The following TRPM3 variants were observed in gnomAD, a reference collection of about 807,000 sequenced individuals.
TRPM3 encodes long transient receptor potential channel 3.
In TRPM3, 77 loss-of-function variants were observed where a neutral mutation model predicts 181.2. That is an observed-to-expected ratio of 0.42 (90% CI 0.35 to 0.51). TRPM3 has a LOEUF of 0.51. TRPM3 is among the 20% of genes least tolerant of loss of function. The pLI is 0.01. For missense variants in TRPM3, 1,759 were observed against 2,196.7 expected, an observed-to-expected ratio of 0.80 and a Z score of 3.98; for synonymous variants, 745 against 796.4, an observed-to-expected ratio of 0.94 and a Z score of 1.09.
chr9:70,832,325 G>A (rs1276514466), intron 5 of TRPM3, among the ~76,000 whole-genome samples: 1 of 152,064 alleles, frequency 6.6e-6, no homozygotes, highest in East Asian at 1.9e-4. Flanking sequence ...ATATCTAAAA[G>A]AGAAATTTGC....
At chr9:71,167,937 T>C (rs1454852124) in intron 1 of TRPM3, among the ~76,000 whole-genome samples, 1 of 152,178 alleles carries the variant, frequency 6.6e-6, no homozygotes, top group African/African-American at 2.4e-5. Context: ...CTGTATAATG[T>C]TATGACAAAT....
chr9:70,797,877 C>T (rs898572038), intron 6 of TRPM3, among the ~76,000 whole-genome samples: 2 of 152,152 alleles, frequency 1.3e-5, no homozygotes, highest in African/African-American at 4.8e-5. Flanking sequence ...TGAAGACTCA[C>T]CGTGGGATTC....
rs1320418080 is a variant in TRPM3, at chr9:70,959,179, T to G, written c.178-94668A>C. ...AATAATAAAAAAAAGAAAAAAAATA[T>G]GTCACCTGTAAAAAAAAAATGTATA... On this transcript the variant is annotated intron_variant, in intron 1 of 25. Transcript: ENST00000677713. Among the ~76,000 whole-genome samples, 5 of 151,574 alleles carry G rather than the reference T, an allele frequency of 3.3e-5. No individual in the cohort carries two copies. In the East Asian group the frequency reaches 9.7e-4, roughly 29 times the overall value.
chr9:70,921,974 C>CACAT (rs1168237101), intron 1 of TRPM3, among the ~76,000 whole-genome samples: 36 of 150,546 alleles, frequency 2.4e-4, no homozygotes, highest in African/African-American at 8.8e-4. Context: ...CACACACACA[C>CACAT]ATATAGTTAT....
chr9:70,576,681 A>AT (rs927492933), intron 22 of TRPM3, among the ~76,000 whole-genome samples: 2 of 151,708 alleles, frequency 1.3e-5, no homozygotes, highest in South Asian at 2.1e-4. Flanking sequence ...TGCCCGGCTA[A>AT]TTTTTGTATT....
intron 10 of TRPM3, 82 bp downstream of exon 10, chr9:70,640,478 T>C: frequency 9.3e-7 from 1 of 1,069,950 alleles, no homozygotes; most frequent in Non-Finnish European, 1.4e-6. Context: ...AATCGTTTTC[T>C]GAGCTGACCT....
At chr9:71,090,406 GT>G (rs1163256132) in intron 1 of TRPM3, among the ~76,000 whole-genome samples, 1 of 152,158 alleles carries the variant, frequency 6.6e-6, no homozygotes, top group African/African-American at 2.4e-5. Flanking sequence ...CTTTAAGCTA[GT>G]TCTCACAAGC....
At chr9:71,074,103 T>C (rs2063130584) in intron 1 of TRPM3, among the ~76,000 whole-genome samples, 1 of 152,208 alleles carries the variant, frequency 6.6e-6, no homozygotes, top group Non-Finnish European at 1.5e-5. Context: ...ATGATTATTG[T>C]TAACAATATA....
intron 1 of TRPM3, among the ~76,000 whole-genome samples, chr9:71,006,635 C>T (rs561817418): frequency 4.6e-5 from 7 of 151,974 alleles, no homozygotes; most frequent in South Asian, 2.1e-4. Flanking sequence ...TTTGGGAGGC[C>T]GAGGTGGGTG....
chr9:70,897,643 T>C (rs936323676), intron 1 of TRPM3, among the ~76,000 whole-genome samples: 4 of 152,188 alleles, frequency 2.6e-5, no homozygotes, highest in African/African-American at 9.7e-5. Context: ...ATAAAGTCTA[T>C]AGTAACTCTC....
intron 1 of TRPM3, among the ~76,000 whole-genome samples, chr9:71,076,244 T>C (rs536088263): frequency 6.6e-5 from 10 of 152,254 alleles, no homozygotes; most frequent in African/African-American, 2.4e-4. Context: ...CAGGAGAGTA[T>C]TTACACCATG....
chr9:71,035,221 T>C (rs529541005), intron 1 of TRPM3, among the ~76,000 whole-genome samples: 2 of 152,344 alleles, frequency 1.3e-5, no homozygotes, highest in Non-Finnish European at 2.9e-5. Flanking sequence ...CAGCAATTTA[T>C]AGAGTTTAGA....
chr9:70,620,766 G>C (rs1477803652), intron 15 of TRPM3, among the ~76,000 whole-genome samples: 1 of 151,888 alleles, frequency 6.6e-6, no homozygotes, highest in Non-Finnish European at 1.5e-5. Context: ...ATGAACAAAA[G>C]ATGGCAAATG....
chr9:70,797,767 G>C (rs1791181585), intron 6 of TRPM3, among the ~76,000 whole-genome samples: 1 of 152,144 alleles, frequency 6.6e-6, no homozygotes, highest in Non-Finnish European at 1.5e-5. Flanking sequence ...GCTCTGCCTG[G>C]CTCTGCTTCT....
At chr9:71,368,575 GA>G (rs34134612) in intron 1 of TRPM3, among the ~76,000 whole-genome samples, 73,032 of 151,706 alleles carry the variant, frequency 0.48, 18,355 homozygotes, top group East Asian at 0.6. Context: ...AAAGTGATCT[GA>G]AAAAAAATTG....
chr9:70,860,158 T>C (rs1269086098), intron 3 of TRPM3, among the ~76,000 whole-genome samples: 2 of 152,202 alleles, frequency 1.3e-5, no homozygotes, highest in African/African-American at 4.8e-5. Flanking sequence ...CCAGGTACTT[T>C]TAATTTTCTC....
At position 70,625,078 on chromosome 9, in the gene TRPM3, C is replaced by A; in HGVS notation, c.1809+113G>T. On this transcript the variant is annotated intron_variant, in intron 14 of 25. Coordinates refer to ENST00000677713, the MANE Select transcript of TRPM3 (RefSeq NM_001366145.2). The surrounding 1 kb of genome is among the most constrained non-coding windows in gnomAD (Gnocchi z 4.8). ...ACTTTTCTTTGATTGTTTAGGTTCA[C>A]TCTCAGCGCAATTTTCTGATTTTAA... The A allele has an allele frequency of 8.4e-7, 1 of 1,187,948 alleles. No homozygotes were observed. Among genetic ancestry groups the A allele is most frequent in the Non-Finnish European group, 1.2e-6 (1 of 863,850 alleles). 73.6% of individuals were successfully genotyped at this position (1,187,948 alleles called of 1,614,324 possible). A position where few individuals can be genotyped will look rare whatever the true frequency, so the allele number is the denominator to read the frequency against.
In TRPM3 at chr9:70,744,850, A is replaced by G. The variant is rs575512390; in HGVS notation, c.1272+16751T>C. 1.2e-4 allele frequency among the ~76,000 whole-genome samples: 19 copies of G among 152,294 alleles called. No individual in the cohort carries two copies. The South Asian group carries it at 3.7e-3, about 30-fold the overall frequency. On this transcript the variant is annotated intron_variant, in intron 8 of 25. Transcript: ENST00000677713. ...TAACTTGATCATACTTAATAATTAG[A>G]ATATTGAATCAGATGAAAAAAGGTA...
At chr9:70,742,320 T>C (rs1036047556) in intron 8 of TRPM3, among the ~76,000 whole-genome samples, 1 of 152,134 alleles carries the variant, frequency 6.6e-6, no homozygotes, top group African/African-American at 2.4e-5. Context: ...TAAAAATAGA[T>C]ATATAACTAC....
Sources: gnomAD v4.1 joint callset for allele counts (sites outside exome capture counted in the v4.1 genomes callset) on GRCh38, gnomAD v4.1.1 for gene constraint, Gnocchi (gnomAD v3.1) non-coding constraint, MANE v1.5 for transcripts, NCBI Gene and HGNC (gene_info 2026-07-23, HGNC 2026-07-21) for gene names.